The following CALML4 variants were observed in gnomAD, a reference collection of about 807,000 sequenced individuals.
The protein encoded by CALML4 is calmodulin like 4, also known as calmodulin-like protein 4.
In CALML4, 16 loss-of-function variants were observed where a neutral mutation model predicts 17.9. The observed-to-expected ratio is 0.89, with a 90% CI of 0.61 to 1.36. The LOEUF is 1.36. Among genes scored for constraint, CALML4 ranks in the 40% most tolerant of loss-of-function variants. The pLI, the probability that CALML4 is intolerant of heterozygous loss-of-function variation, is 0.00. For synonymous variants in CALML4, 86 were observed against 71.5 expected, an observed-to-expected ratio of 1.20 and a Z score of -1.02; for missense variants, 203 against 194.8, an observed-to-expected ratio of 1.04 and a Z score of -0.25.
At position 68,204,302 on chromosome 15, in the gene CALML4, C is replaced by T. The variant is rs965547440; in HGVS notation, c.34+819G>A. ...CTGTAATTTTATCTCCAGTGGTCAG[C>T]GAAGGACTCACTGAGAAGGCGATGT... On this transcript the variant is annotated intron_variant, in intron 2 of 4. Transcript: ENST00000467889. This position sits in a 1 kb window ranked among gnomAD's most constrained non-coding sequence, Gnocchi z 6.0. Among the ~76,000 whole-genome samples, 1 of 152,230 alleles carries T rather than the reference C, an allele frequency of 6.6e-6. No homozygotes were observed. The highest frequency in any genetic ancestry group is 1.9e-4 in the East Asian group (1 of 5,178).
chr15:68,196,364 T>G (rs1375176167), intron 4 of CALML4, among the ~76,000 whole-genome samples: 1 of 152,182 alleles, frequency 6.6e-6, no homozygotes, highest in Non-Finnish European at 1.5e-5. Flanking sequence ...TACCCTCATT[T>G]CCAGCAAGGA....
chr15:68,204,994 T>C lies in CALML4; in HGVS notation c.34+127A>G, dbSNP rs2093177344. 9.1e-7 allele frequency: 1 copy of C among 1,100,538 alleles called. No homozygotes were observed. Among genetic ancestry groups the C allele is most frequent in the Non-Finnish European group, 1.3e-6 (1 of 745,184 alleles). 68.2% of individuals were successfully genotyped at this position (1,100,538 alleles called of 1,614,324 possible). On this transcript the variant is annotated intron_variant, in intron 2 of 4. Coordinates refer to ENST00000467889, the MANE Select transcript of CALML4 (RefSeq NM_033429.3). This position sits in a 1 kb window ranked among gnomAD's most constrained non-coding sequence, Gnocchi z 6.0. ...CCAACAGCAGCCTCCCCGCAGCTCT[T>C]GGCCCTGGGTGGGCCCAGCTCTCCC...
rs2093148838 is a variant in CALML4, at chr15:68,197,427, C to A, written c.364+13G>T. 1 of 1,611,170 alleles carries A rather than the reference C, an allele frequency of 6.2e-7. No individual in the cohort carries two copies. The highest frequency in any genetic ancestry group is 1.7e-5 in the Admixed American group (1 of 59,654). On this transcript the variant is annotated intron_variant, in intron 4 of 4. Coordinates refer to ENST00000467889, the MANE Select transcript of CALML4 (RefSeq NM_033429.3). This position sits in a 1 kb window ranked among gnomAD's most constrained non-coding sequence, Gnocchi z 4.1. ...CCCCTCCAACTGTTGGGAGACAGGA[C>A]CCAGGCTGTTACCTTCCTTGTGGGT...
Position 68,204,720 on chromosome 15 carries a change from T to G in CALML4, c.34+401A>C, listed in dbSNP as rs2093176386. On this transcript the variant is annotated intron_variant, in intron 2 of 4. Transcript: ENST00000467889. This position sits in a 1 kb window ranked among gnomAD's most constrained non-coding sequence, Gnocchi z 6.0. The stretch of plus-strand genomic sequence containing the variant: ...GACTGAGGCGCAGAGAGTAGACGCA[T>G]CCTGCCAGAGAGTGCAGACCTGGCC... Among the ~76,000 whole-genome samples, 1 of 152,066 alleles carries G rather than the reference T, an allele frequency of 6.6e-6. No homozygotes were observed. Among genetic ancestry groups the G allele is most frequent in the Admixed American group, 6.6e-5 (1 of 15,262 alleles).
chr15:68,196,397 C>T (rs2093144770), intron 4 of CALML4, among the ~76,000 whole-genome samples: 1 of 152,190 alleles, frequency 6.6e-6, no homozygotes, highest in Admixed American at 6.5e-5. Flanking sequence ...AGAAAGGTCT[C>T]CTGGCACCCA....
rs1341978384 is a variant in CALML4 at position 68,197,511 on chromosome 15, T to A, written c.293A>T (p.Lys98Ile). The A allele has an allele frequency of 6.2e-7, 1 of 1,614,046 alleles. No individual in the cohort carries two copies. The highest frequency in any genetic ancestry group is 1.7e-5 in the Admixed American group (1 of 60,010). The change falls in exon 4 of 5, where the codon AAA becomes ATA. Residue 98 changes from lysine to isoleucine, a missense_variant. Coordinates refer to ENST00000467889, the MANE Select transcript of CALML4 (RefSeq NM_033429.3). This position sits in a 1 kb window ranked among gnomAD's most constrained non-coding sequence, Gnocchi z 4.1. ...CAGGTCGGACGCCATGACGTAACCTTTCTTCTCCTTGTCCACCATCAACAT... is the reference window on the plus strand; with the variant it reads ...CAGGTCGGACGCCATGACGTAACCTATCTTCTCCTTGTCCACCATCAACAT... Reference protein sequence around the residue: ...LAMLMVDKEKKGYVMASDLRS... With the variant: ...LAMLMVDKEKIGYVMASDLRS...
In CALML4 at chr15:68,199,416, C is replaced by T. The variant is rs1007569672; in HGVS notation, c.175+125G>A. 10 of 1,093,424 alleles carry T rather than the reference C, an allele frequency of 9.1e-6. No homozygotes were observed. The African/African-American group carries it at 1.4e-4, about 16-fold the overall frequency. The allele number at this position is 1,093,424 out of a possible 1,614,324, so 67.7% of individuals were successfully genotyped here. On this transcript the variant is annotated intron_variant, in intron 3 of 4. Transcript: ENST00000467889. ...CGGCACTCCTGGTCTGGGGCTGCCA[C>T]AGCTGGATCCCCAGGAGGCCTCCCT...
Position 68,193,561 on chromosome 15 carries a change from G to T in CALML4, c.*454C>A, listed in dbSNP as rs76665743. ...GAAAATCTTGGAAATATGGAAGATG[G>T]TTCTAGCCCCCAAATACAGAATAAG... On this transcript the variant is annotated 3_prime_UTR_variant, in exon 5 of 5. Coordinates refer to ENST00000467889, the MANE Select transcript of CALML4 (RefSeq NM_033429.3). The T allele has an allele frequency of 5.8e-3, 901 of 154,578 alleles. 10 individuals are homozygous for T. The highest frequency in any genetic ancestry group is 0.021 in the African/African-American group (855 of 41,632). The allele number at this position is 154,578 out of a possible 1,614,324, so 9.6% of individuals were successfully genotyped here. A position where few individuals can be genotyped will look rare whatever the true frequency, so the allele number is the denominator to read the frequency against.
intron 2 of CALML4, among the ~76,000 whole-genome samples, chr15:68,203,818 C>T (rs923918503): frequency 6.6e-6 from 1 of 152,176 alleles, no homozygotes; most frequent in African/African-American, 2.4e-5. Flanking sequence ...GCTAGGCCAC[C>T]CCATCCAGTC....
At position 68,199,623 on chromosome 15, in the gene CALML4, G is replaced by A. The variant is rs1348785944; in HGVS notation, c.93C>T (p.Thr31=). 7 of 1,613,446 alleles carry A rather than the reference G, an allele frequency of 4.3e-6. No homozygotes were observed. Among genetic ancestry groups the A allele is most frequent in the East Asian group, 4.5e-5 (2 of 44,774 alleles). The change falls in exon 3 of 5, where the codon ACC becomes ACT. Residue 31 remains threonine, a synonymous_variant. Transcript: ENST00000467889. ...DKQQRGKIKA[T]DLMVAMRCLG... is the part of the protein sequence containing the mutation. Reference sequence around the variant, plus strand: ...GGCACCTCATGGCCACCATGAGGTCGGTGGCTTTTATCTTCCCCCTCTGCT... The same window carrying A: ...GGCACCTCATGGCCACCATGAGGTCAGTGGCTTTTATCTTCCCCCTCTGCT...
chr15:68,193,034 G>T lies in CALML4; in HGVS notation c.*981C>A, dbSNP rs1161865973. 2 of 152,324 alleles carry T rather than the reference G, an allele frequency of 1.3e-5. No homozygotes were observed. Among genetic ancestry groups the T allele is most frequent in the African/African-American group, 4.8e-5 (2 of 41,466 alleles). 9.4% of individuals were successfully genotyped at this position (152,324 alleles called of 1,614,324 possible). On this transcript the variant is annotated 3_prime_UTR_variant, in exon 5 of 5. Coordinates refer to ENST00000467889, the MANE Select transcript of CALML4 (RefSeq NM_033429.3). ...TGGATGGACTCCCAGAAAGCCTAGT[G>T]CTCCTACTACTGTTTTCCAGGGCTG...
chr15:68,195,082 C>T (rs1461547908), intron 4 of CALML4, among the ~76,000 whole-genome samples: 1 of 151,326 alleles, frequency 6.6e-6, no homozygotes, highest in East Asian at 1.9e-4. Flanking sequence ...TTGCTTGTTT[C>T]TTCTGGTTCT....
intron 2 of CALML4, among the ~76,000 whole-genome samples, chr15:68,202,138 C>A (rs2093167176): frequency 6.6e-6 from 1 of 152,154 alleles, no homozygotes; most frequent in Admixed American, 6.5e-5. Flanking sequence ...AATGCAAATC[C>A]CCCAGGACAA....
At chr15:68,199,282 G>A (rs181713012) in intron 3 of CALML4, among the ~76,000 whole-genome samples, 10 of 152,256 alleles carry the variant, frequency 6.6e-5, no homozygotes, top group Admixed American at 3.9e-4. Flanking sequence ...CGCTGTCAGC[G>A]CGATTTTTCT....
chr15:68,195,347 G>GAT (rs1214488528), intron 4 of CALML4, among the ~76,000 whole-genome samples: 1 of 152,210 alleles, frequency 6.6e-6, no homozygotes, highest in East Asian at 1.9e-4. Flanking sequence ...GGCCTAAGCT[G>GAT]ATAGTAGTTC....
upstream of CALML4, chr15:68,205,390 G>T: frequency 2.5e-6 from 4 of 1,613,326 alleles, no homozygotes; most frequent in South Asian, 2.2e-5. The surrounding 1 kb of genome is among the most constrained non-coding windows in gnomAD (Gnocchi z 4.8). Flanking sequence ...GACTGGGCCC[G>T]ACGCCACCAG....
rs929857981 is a variant in CALML4, at chr15:68,194,126, C to T, written c.365-14G>A. On this transcript the variant is annotated splice_polypyrimidine_tract_variant and intron_variant, in intron 4 of 4. Transcript: ENST00000467889. ...AGAGATCATCCACTGCAATAAATCACATTTAATTTTTCAGTTTGGCTTTAG... is the reference window on the plus strand; with the variant it reads ...AGAGATCATCCACTGCAATAAATCATATTTAATTTTTCAGTTTGGCTTTAG... 1 of 1,603,820 alleles carries T rather than the reference C, an allele frequency of 6.2e-7. No individual in the cohort carries two copies. The highest frequency in any genetic ancestry group is 8.5e-7 in the Non-Finnish European group (1 of 1,170,994).
In CALML4 at chr15:68,200,508, C is replaced by T. The variant is rs1265871750; in HGVS notation, c.35-827G>A. ...CTGACACAGCCATCCCACGGGCTCC[C>T]GGCCCTGGGAGGCCCAGGAAGGCCA... On this transcript the variant is annotated intron_variant, in intron 2 of 4. Coordinates refer to ENST00000467889, the MANE Select transcript of CALML4 (RefSeq NM_033429.3). The surrounding 1 kb of genome is among the most constrained non-coding windows in gnomAD (Gnocchi z 4.3). Among the ~76,000 whole-genome samples the T allele has an allele frequency of 2.6e-5, 4 of 152,230 alleles. No homozygotes were observed. Among genetic ancestry groups the T allele is most frequent in the African/African-American group, 4.8e-5 (2 of 41,456 alleles).
intron 2 of CALML4, among the ~76,000 whole-genome samples, chr15:68,201,460 G>A (rs548866169): frequency 2.1e-4 from 32 of 152,316 alleles, no homozygotes; most frequent in Admixed American, 9.1e-4. Context: ...GTACCCCTGG[G>A]GACCTCTCAT....
Sources: gnomAD v4.1 joint callset for allele counts (sites outside exome capture counted in the v4.1 genomes callset) on GRCh38, gnomAD v4.1.1 for gene constraint, Gnocchi (gnomAD v3.1) non-coding constraint, MANE v1.5 for transcripts, NCBI Gene and HGNC (gene_info 2026-07-23, HGNC 2026-07-21) for gene names.